The following MSRB3 variants were observed in gnomAD, a reference collection of about 807,000 sequenced individuals.
MSRB3 encodes the protein methionine-R-sulfoxide reductase B3.
Under a neutral mutation model 21.0 loss-of-function variants are expected in MSRB3, and 13 were observed. The ratio of observed to expected loss-of-function variants is 0.62; its 90% CI spans 0.40 to 0.98. The LOEUF (loss-of-function observed/expected upper bound fraction) is 0.98. Ranked by LOEUF, MSRB3 falls within the 50% of genes least tolerant of loss-of-function variation. The pLI is 0.00. For synonymous variants in MSRB3, 87 were observed against 88.6 expected (o/e 0.98, Z 0.10); for missense variants, 199 against 230.3 (o/e 0.86, Z 0.88).
chr12:65,454,119 A>T, intron 6 of MSRB3: 1 of 597,760 alleles, frequency 1.7e-6, no homozygotes, highest in Non-Finnish European at 3.0e-6. Flanking sequence ...CCTCGTCTCT[A>T]CAGAAAATAT....
intron 2 of MSRB3, among the ~76,000 whole-genome samples, chr12:65,312,742 A>G (rs1291833819): frequency 6.6e-6 from 1 of 152,102 alleles, no homozygotes; most frequent in Admixed American, 6.6e-5. Context: ...CATCTGTATA[A>G]CTAGAACTCC....
intron 5 of MSRB3, among the ~76,000 whole-genome samples, chr12:65,444,318 G>T (rs1882516751): frequency 6.6e-6 from 1 of 152,090 alleles, no homozygotes; most frequent in Non-Finnish European, 1.5e-5. Flanking sequence ...TCTCAGTTTG[G>T]TGGACCACAA....
intron 5 of MSRB3, chr12:65,419,465 A>G: frequency 2.7e-6 from 2 of 744,498 alleles, no homozygotes; most frequent in South Asian, 2.8e-5. Flanking sequence ...ATGACCTTGC[A>G]GAGCCCATAG....
intron 5 of MSRB3, among the ~76,000 whole-genome samples, chr12:65,378,519 A>T (rs1402967487): frequency 6.6e-6 from 1 of 152,236 alleles, no homozygotes. Context: ...CAAGCACATA[A>T]TGATATGATT....
At chr12:65,419,619 C>G (rs184573131) in intron 5 of MSRB3, 1 of 711,744 alleles carries the variant, frequency 1.4e-6, no homozygotes, top group East Asian at 2.6e-5. Flanking sequence ...CCCTCAGGTC[C>G]TCGATGGTCT....
intron 4 of MSRB3, among the ~76,000 whole-genome samples, chr12:65,360,413 A>G (rs1249796143): frequency 1.3e-5 from 2 of 152,108 alleles, no homozygotes; most frequent in Non-Finnish European, 2.9e-5. Flanking sequence ...TTTAGAGGAA[A>G]CATAAATCAC....
chr12:65,317,836 A>G (rs1209772963), intron 2 of MSRB3, among the ~76,000 whole-genome samples: 1 of 152,224 alleles, frequency 6.6e-6, no homozygotes, highest in African/African-American at 2.4e-5. Context: ...CATAGCCAAG[A>G]TCATTATTTA....
intron 6 of MSRB3, among the ~76,000 whole-genome samples, chr12:65,461,069 AAC>A (rs147455687): frequency 0.37 from 56,708 of 151,508 alleles, 11,103 homozygotes; most frequent in Middle Eastern, 0.54. Flanking sequence ...TCTCTCATTA[AAC>A]ACACACACAC....
At chr12:65,284,369 A>T (rs1366412270) in intron 1 of MSRB3, 11 of 152,284 alleles carry the variant, frequency 7.2e-5, no homozygotes, top group Admixed American at 7.2e-4. Context: ...CCGCAGTAGA[A>T]GTGTTGCTAA....
rs1247525901 is a variant in MSRB3, at chr12:65,463,776, TG to T, written c.*456del. On this transcript the variant is annotated 3_prime_UTR_variant, in exon 7 of 7. Coordinates refer to ENST00000308259, the MANE Select transcript of MSRB3 (RefSeq NM_001031679.3). ...TGCACAGACCCACCTAAGATAAGGT[TG>T]GAGTGATGTTTTAATGAGACTGTTC... The T allele has an allele frequency of 6.0e-6, 1 of 165,426 alleles. No homozygotes were observed. The highest frequency in any genetic ancestry group is 2.4e-5 in the African/African-American group (1 of 41,424). The allele number at this position is 165,426 out of a possible 1,614,324, so 10.2% of individuals were successfully genotyped here. A position where few individuals can be genotyped will look rare whatever the true frequency, so the allele number is the denominator to read the frequency against.
chr12:65,395,163 G>A (rs1430527441), intron 5 of MSRB3, among the ~76,000 whole-genome samples: 2 of 152,122 alleles, frequency 1.3e-5, no homozygotes, highest in Non-Finnish European at 2.9e-5. Context: ...CAGATGATAT[G>A]ATCTTGTATA....
intron 1 of MSRB3, among the ~76,000 whole-genome samples, chr12:65,287,963 A>G (rs955727308): frequency 1.3e-5 from 2 of 152,102 alleles, no homozygotes; most frequent in African/African-American, 2.4e-5. Flanking sequence ...CTCAGTTTTC[A>G]TATCTGCAAA....
chr12:65,399,637 T>G (rs900837923), intron 5 of MSRB3, among the ~76,000 whole-genome samples: 1 of 152,168 alleles, frequency 6.6e-6, no homozygotes, highest in Non-Finnish European at 1.5e-5. Context: ...TCCAATACTA[T>G]GTTGAATAGG....
chr12:65,290,480 A>T (rs188003124), intron 1 of MSRB3, among the ~76,000 whole-genome samples: 1 of 152,170 alleles, frequency 6.6e-6, no homozygotes, highest in African/African-American at 2.4e-5. Context: ...GTGATGTTCA[A>T]ATGGGTTCTA....
chr12:65,427,688 C>A (rs1371252293), intron 5 of MSRB3, among the ~76,000 whole-genome samples: 1 of 152,162 alleles, frequency 6.6e-6, no homozygotes, highest in Non-Finnish European at 1.5e-5. Context: ...TGTGCAGGCA[C>A]TCTCACTGCC....
intron 5 of MSRB3, among the ~76,000 whole-genome samples, chr12:65,438,358 T>G (rs971267785): frequency 1.4e-4 from 21 of 151,892 alleles, no homozygotes; most frequent in Admixed American, 1.1e-3. Context: ...ATTAAGAGAC[T>G]TGGAAGATAG....
Position 65,292,144 on chromosome 12 carries a change from A to G in MSRB3, c.-52+13279A>G, listed in dbSNP as rs369923869. ...TGAAGCCACTAATGGTGTTCATATC[A>G]TTGAGCCCAGTGAGCTCAATTTGGT... On this transcript the variant is annotated intron_variant, in intron 1 of 6. Coordinates refer to ENST00000308259, the MANE Select transcript of MSRB3 (RefSeq NM_001031679.3). Among the ~76,000 whole-genome samples, 504 of 152,300 alleles carry G rather than the reference A, an allele frequency of 3.3e-3. 2 individuals carry two copies. Among genetic ancestry groups the G allele is most frequent in the South Asian group, 0.02 (97 of 4,816 alleles).
intron 4 of MSRB3, among the ~76,000 whole-genome samples, chr12:65,352,077 A>G (rs1877043382): frequency 6.6e-6 from 1 of 152,080 alleles, no homozygotes; most frequent in African/African-American, 2.4e-5. Context: ...AAATACTGGC[A>G]AAACGAATCC....
intron 1 of MSRB3, among the ~76,000 whole-genome samples, chr12:65,289,928 C>T (rs1019417381): frequency 1.3e-5 from 2 of 152,084 alleles, no homozygotes; most frequent in Non-Finnish European, 2.9e-5. Flanking sequence ...TTTCTTTATC[C>T]CCCACAAAAT....
Sources: gnomAD v4.1 joint callset for allele counts (sites outside exome capture counted in the v4.1 genomes callset) on GRCh38, gnomAD v4.1.1 for gene constraint, MANE v1.5 for transcripts, NCBI Gene and HGNC (gene_info 2026-07-23, HGNC 2026-07-21) for gene names.